RYR1: variants seen among roughly 807,000 people sequenced by gnomAD.
RYR1 encodes ryanodine receptor 1, also known as central core disease of muscle.
Under a neutral mutation model 583.5 loss-of-function variants are expected in RYR1, and 342 were observed. The observed-to-expected ratio is 0.59, with a 90% CI of 0.54 to 0.64. The LOEUF (loss-of-function observed/expected upper bound fraction) is 0.64. Among genes scored for constraint, RYR1 ranks in the 30% least tolerant of loss-of-function variants. The probability of loss-of-function intolerance (pLI) is 0.00; values close to 1 mark genes in which losing one functional copy is unlikely to be tolerated. For synonymous variants in RYR1, 2,791 were observed against 2,822.5 expected, an observed-to-expected ratio of 0.99 and a Z score of 0.35; for missense variants, 6,032 against 6,917.2, an observed-to-expected ratio of 0.87 and a Z score of 4.54.
rs1169405716 is a variant in RYR1 at position 38,496,643 on chromosome 19, C to T, written c.6796+102C>T. 1.0e-5 allele frequency: 15 copies of T among 1,433,992 alleles called. No homozygotes were observed. The highest frequency in any genetic ancestry group is 1.3e-5 in the Non-Finnish European group (13 of 1,022,940). 88.8% of individuals were successfully genotyped at this position (1,433,992 alleles called of 1,614,324 possible). A position where few individuals can be genotyped will look rare whatever the true frequency, so the allele number is the denominator to read the frequency against. On this transcript the variant is annotated intron_variant, in intron 41 of 105. Transcript: ENST00000359596. This position sits in a 1 kb window ranked among gnomAD's most constrained non-coding sequence, Gnocchi z 4.8. The stretch of plus-strand genomic sequence containing the variant: ...CCAGCTCACTCATTCAACAAACACT[C>T]CCTCTCAACTGTGGTTCTGGCCCTG...
intron 100 of RYR1, 52 bp from the exon 101 acceptor site, chr19:38,580,318 G>T (rs200838738): frequency 3.8e-5 from 61 of 1,605,166 alleles, no homozygotes; most frequent in East Asian, 8.9e-5. Context: ...TGGGCAGGGT[G>T]GGGGGAGGGC....
At chr19:38,456,524 C>A (rs1279944762) in intron 16 of RYR1, among the ~76,000 whole-genome samples, 1 of 151,626 alleles carries the variant, frequency 6.6e-6, no homozygotes, top group African/African-American at 2.4e-5. Context: ...TCAGGTGATC[C>A]ACCCACTTTG....
intron 35 of RYR1, among the ~76,000 whole-genome samples, 189 bp downstream of exon 35, chr19:38,489,632 TTTTG>T (rs548604048): frequency 3.7e-4 from 56 of 152,056 alleles, no homozygotes; most frequent in Admixed American, 7.2e-4. Flanking sequence ...AGGCAGTCTT[TTTTG>T]TTTGTTTTTT....
rs750369681 is a variant in RYR1, at chr19:38,473,716, C to G, written c.4105C>G (p.Pro1369Ala). 4.5e-6 allele frequency: 7 copies of G among 1,547,754 alleles called. No individual in the cohort carries two copies. The highest frequency in any genetic ancestry group is 6.1e-6 in the Non-Finnish European group (7 of 1,145,918). ...CCCGCAGGCGGGGGGAGAGGCGCAGCCCGCCAGGGCGGAGAATGAGAAGGA... is the reference window on the plus strand; with the variant it reads ...CCCGCAGGCGGGGGGAGAGGCGCAGGCCGCCAGGGCGGAGAATGAGAAGGA... The part of the protein sequence containing the change: ...GTPQAGGEAQ[P>A]ARAENEKDAT... Residue 1369 changes from proline (P) to alanine (A), a missense_variant, in exon 28 of 106, where the codon CCC becomes GCC. Around this residue, in one of 11 missense-constraint regions of RYR1, gnomAD observed 2,627 missense variants for 2,961.3 expected, o/e 0.89. Coordinates refer to ENST00000359596, the MANE Select transcript of RYR1 (RefSeq NM_000540.3).
At position 38,519,311 on chromosome 19, in the gene RYR1, G is replaced by A. The variant is rs767568023; in HGVS notation, c.10116G>A (p.Val3372=). 1 of 1,614,008 alleles carries A rather than the reference G, an allele frequency of 6.2e-7. No homozygotes were observed. The highest frequency in any genetic ancestry group is 1.1e-5 in the South Asian group (1 of 91,084). ...GGCTGCGCAAGAGGGCAGGGAAGGT[G>A]GTGTCCGAGGAGGAGCAGCTGCGCC... is the stretch of plus-strand genomic sequence containing the variant. The part of the protein sequence containing the change: ...IGRLRKRAGK[V]VSEEEQLRLE... Residue 3372 remains valine, a synonymous_variant, in exon 67 of 106, where the codon GTG becomes GTA. Transcript: ENST00000359596.
At chr19:38,527,496 C>A in intron 72 of RYR1, 151 bp from the exon 73 acceptor site, 1 of 1,012,884 alleles carries the variant, frequency 9.9e-7, no homozygotes, top group Non-Finnish European at 1.5e-6. Flanking sequence ...GGTGATGGGG[C>A]GAGGCTCCGT....
At chr19:38,516,864 G>T (rs911834892) in intron 65 of RYR1, among the ~76,000 whole-genome samples, 1 of 152,136 alleles carries the variant, frequency 6.6e-6, no homozygotes, top group African/African-American at 2.4e-5. Context: ...GGACCTGGGG[G>T]AAATATACGC....
At chr19:38,509,559 C>T (rs775514984) in intron 58 of RYR1, among the ~76,000 whole-genome samples, 1 of 150,466 alleles carries the variant, frequency 6.6e-6, no homozygotes, top group African/African-American at 2.4e-5. Flanking sequence ...TCACGCCATT[C>T]TCCTGCCTCA....
Position 38,566,448 on chromosome 19 carries a change from C to CAAAAA in RYR1, c.13438-438_13438-434dup, listed in dbSNP as rs71165563. Among the ~76,000 whole-genome samples, 22 of 51,054 alleles carry CAAAAA rather than the reference C, an allele frequency of 4.3e-4. 1 individual carries two copies. The highest frequency in any genetic ancestry group is 1.2e-3 in the African/African-American group (16 of 12,952). The allele number at this position is 51,054 out of a possible 152,430, so 33.5% of individuals were successfully genotyped here. A position where few individuals can be genotyped will look rare whatever the true frequency, so the allele number is the denominator to read the frequency against. ...TGGGCGACAGAGCGAGACTCTGTCTCAAAAAAAAAAAAAAAAAAAAAAAAA... is the reference window on the plus strand; with the variant it reads ...TGGGCGACAGAGCGAGACTCTGTCTCAAAAAAAAAAAAAAAAAAAAAAAAAAAAAA... On this transcript the variant is annotated intron_variant, in intron 91 of 105. Transcript: ENST00000359596.
intron 83 of RYR1, 124 bp downstream of exon 83, chr19:38,536,891 T>G: frequency 9.7e-7 from 1 of 1,032,222 alleles, no homozygotes. Context: ...CTTCAGCAGG[T>G]GCACCCTGCC....
At chr19:38,440,968 CAGG>C (rs1028468509) in intron 2 of RYR1, 104 bp downstream of exon 2, 5 of 1,263,374 alleles carry the variant, frequency 4.0e-6, no homozygotes, top group Non-Finnish European at 5.4e-6. Flanking sequence ...GAGGTGCTGA[CAGG>C]AGAGAAAGTG....
intron 92 of RYR1, 151 bp downstream of exon 92, chr19:38,567,138 A>G: frequency 2.3e-6 from 3 of 1,289,194 alleles, no homozygotes; most frequent in Non-Finnish European, 3.2e-6. Flanking sequence ...AGGGGCTCTG[A>G]GTAAAAGAAT....
At chr19:38,504,434 A>G (rs1970346316) in intron 50 of RYR1, 74 bp downstream of exon 50, 1 of 1,571,208 alleles carries the variant, frequency 6.4e-7, no homozygotes, top group South Asian at 1.2e-5. Context: ...CCAGAGTGAA[A>G]TCCCTCAATT....
intron 96 of RYR1, among the ~76,000 whole-genome samples, 178 bp downstream of exon 96, chr19:38,573,485 G>T (rs1191973489): frequency 6.6e-6 from 1 of 152,090 alleles, no homozygotes; most frequent in Non-Finnish European, 1.5e-5. Flanking sequence ...TTTGAGACCA[G>T]CCTGGACAAC....
At chr19:38,539,538 G>A (rs1480890706) in intron 84 of RYR1, among the ~76,000 whole-genome samples, 3 of 151,926 alleles carry the variant, frequency 2.0e-5, no homozygotes, top group Admixed American at 6.6e-5. Context: ...ATACCCAGCC[G>A]GGACTAAGAT....
intron 75 of RYR1, 54 bp from the exon 76 acceptor site, chr19:38,528,897 G>A (rs1971605400): frequency 6.3e-7 from 1 of 1,581,152 alleles, no homozygotes; most frequent in Admixed American, 1.7e-5. Flanking sequence ...CATGGGGGCA[G>A]TGACAGGAGG....
Position 38,506,616 on chromosome 19 carries a change from T to C in RYR1, c.8692+70T>C, listed in dbSNP as rs981284630. 3.2e-6 allele frequency: 5 copies of C among 1,577,748 alleles called. No individual in the cohort carries two copies. The African/African-American group carries it at 6.7e-5, about 21-fold the overall frequency. ...CGTGTGGTTTTGCTGATTGCCTTCATGCCCCTGAAACTCGGTTTCTCCATC... is the reference window on the plus strand; with the variant it reads ...CGTGTGGTTTTGCTGATTGCCTTCACGCCCCTGAAACTCGGTTTCTCCATC... On this transcript the variant is annotated intron_variant, in intron 56 of 105. Transcript: ENST00000359596.
Position 38,570,711 on chromosome 19 carries a change from C to A in RYR1, c.13746+18C>A. ...TTTATAAGGTGCTGGTCCTGAAGGGCTGGGAGGGTCAGGCCCTTTTCCATG... is the reference window on the plus strand; with the variant it reads ...TTTATAAGGTGCTGGTCCTGAAGGGATGGGAGGGTCAGGCCCTTTTCCATG... On this transcript the variant is annotated intron_variant, in intron 94 of 105. Transcript: ENST00000359596. 6.2e-7 allele frequency: 1 copy of A among 1,600,728 alleles called. No individual in the cohort carries two copies. Among genetic ancestry groups the A allele is most frequent in the Non-Finnish European group, 8.6e-7 (1 of 1,168,064 alleles).
intron 90 of RYR1, among the ~76,000 whole-genome samples, chr19:38,562,483 C>G (rs1973192490): frequency 6.6e-6 from 1 of 152,098 alleles, no homozygotes; most frequent in Non-Finnish European, 1.5e-5. Flanking sequence ...TTGCACACCC[C>G]TTCTTGTCTC....
Sources: allele counts gnomAD v4.1 joint callset (sites outside exome capture counted in the v4.1 genomes callset), GRCh38; gene constraint gnomAD v4.1.1; regional missense constraint gnomAD v4.1.1; non-coding constraint Gnocchi (gnomAD v3.1); transcripts MANE v1.5; gene names NCBI Gene and HGNC (gene_info 2026-07-23, HGNC 2026-07-21).